Variants in RAB3GAP1 observed in about 807,000 individuals in gnomAD.
The protein encoded by RAB3GAP1 is RAB3 GTPase activating protein catalytic subunit 1, also known as rab3 GTPase-activating protein catalytic subunit.
In RAB3GAP1, 86 loss-of-function variants were observed where a neutral mutation model predicts 130.7. The ratio of observed to expected loss-of-function variants is 0.66; its 90% confidence interval spans 0.55 to 0.79. The LOEUF (loss-of-function observed/expected upper bound fraction) is 0.79, where lower values mean the gene tolerates loss of function less well. Among genes scored for constraint, RAB3GAP1 ranks in the 30% least tolerant of loss-of-function variants. RAB3GAP1 has a pLI of 0.00. For missense variants in RAB3GAP1, 1,029 were observed against 1,169.4 expected (o/e 0.88, Z 1.75); for synonymous variants, 367 against 401.7 (o/e 0.91, Z 1.03).
intron 5 of RAB3GAP1, among the ~76,000 whole-genome samples, chr2:135,097,801 A>G (rs1037077911): frequency 6.6e-6 from 1 of 152,096 alleles, no homozygotes; most frequent in Non-Finnish European, 1.5e-5. Flanking sequence ...GGTTATTAGG[A>G]TTGTTTTTAG....
At chr2:135,088,290 T>C (rs1690043784) in intron 3 of RAB3GAP1, among the ~76,000 whole-genome samples, 2 of 152,182 alleles carry the variant, frequency 1.3e-5, no homozygotes, top group Admixed American at 1.3e-4. Flanking sequence ...CTTATGTACA[T>C]TATCATATTA....
chr2:135,157,234 A>G (rs1692336688), intron 19 of RAB3GAP1, among the ~76,000 whole-genome samples: 1 of 152,114 alleles, frequency 6.6e-6, no homozygotes, highest in African/African-American at 2.4e-5. Context: ...GCTCAGGCTG[A>G]TCTCAAACTC....
chr2:135,060,550 G>A (rs1274145293), intron 3 of RAB3GAP1, among the ~76,000 whole-genome samples: 7 of 151,690 alleles, frequency 4.6e-5, no homozygotes, highest in Non-Finnish European at 7.4e-5. Flanking sequence ...GTGAGCCACC[G>A]CGCCTGGCCA....
At position 135,113,253 on chromosome 2, in the gene RAB3GAP1, C is replaced by CT. The variant is rs753062359; in HGVS notation, c.467dup (p.Leu156PhefsTer34). The CT allele has an allele frequency of 6.2e-7, 1 of 1,614,106 alleles. No homozygotes were observed. Among genetic ancestry groups the CT allele is most frequent in the Non-Finnish European group, 8.5e-7 (1 of 1,180,014 alleles). On this transcript the variant is annotated frameshift_variant, in exon 6 of 24. Coordinates refer to ENST00000264158, the MANE Select transcript of RAB3GAP1 (RefSeq NM_012233.3). LOFTEE classifies it high-confidence loss of function. ...TTCTTCTGAGTTCTGTTTCTATTGC[C>CT]TTGGGAAACACTGGCTGGTGAGTGG...
At chr2:135,150,955 G>C (rs1692156780) in intron 18 of RAB3GAP1, among the ~76,000 whole-genome samples, 1 of 152,136 alleles carries the variant, frequency 6.6e-6, no homozygotes. Flanking sequence ...GATATGTAAG[G>C]AACTGTCATG....
At chr2:135,111,999 G>A (rs1240277044) in intron 5 of RAB3GAP1, among the ~76,000 whole-genome samples, 2 of 152,030 alleles carry the variant, frequency 1.3e-5, no homozygotes, top group African/African-American at 4.8e-5. Flanking sequence ...TTAGAAAATA[G>A]ACTGTAAACC....
intron 3 of RAB3GAP1, among the ~76,000 whole-genome samples, chr2:135,064,760 T>G (rs898129416): frequency 9.9e-5 from 15 of 150,948 alleles, no homozygotes; most frequent in East Asian, 1.9e-4. Flanking sequence ...GTTTTGTTTT[T>G]TTTTTTTTTT....
intron 17 of RAB3GAP1, among the ~76,000 whole-genome samples, chr2:135,149,028 A>G (rs1409475499): frequency 6.6e-6 from 1 of 152,190 alleles, no homozygotes; most frequent in Non-Finnish European, 1.5e-5. Flanking sequence ...AGTATATGTG[A>G]AAATGTATGG....
At chr2:135,106,570 T>C (rs1207770520) in intron 5 of RAB3GAP1, among the ~76,000 whole-genome samples, 2 of 150,632 alleles carry the variant, frequency 1.3e-5, no homozygotes, top group Middle Eastern at 3.4e-3. Context: ...TTCTTAAGAG[T>C]CATCACCACT....
intron 2 of RAB3GAP1, among the ~76,000 whole-genome samples, chr2:135,053,555 T>G (rs1485239031): frequency 1.3e-5 from 2 of 152,172 alleles, no homozygotes. Flanking sequence ...TCTTTCTGGT[T>G]GGGAGAGGAA....
chr2:135,140,686 T>C (rs960953656), intron 17 of RAB3GAP1, among the ~76,000 whole-genome samples: 1 of 152,228 alleles, frequency 6.6e-6, no homozygotes, highest in Non-Finnish European at 1.5e-5. Context: ...GTGGGAGTTA[T>C]CAGTAGGGGC....
intron 13 of RAB3GAP1, among the ~76,000 whole-genome samples, chr2:135,131,018 A>G (rs1691521201): frequency 6.6e-6 from 1 of 152,182 alleles, no homozygotes; most frequent in Non-Finnish European, 1.5e-5. Context: ...TTTGAGCTGA[A>G]TCTTGATGAA....
chr2:135,130,431 A>G (rs1691499136), intron 12 of RAB3GAP1, 121 bp from the exon 13 acceptor site: 5 of 822,374 alleles, frequency 6.1e-6, no homozygotes, highest in Non-Finnish European at 9.6e-6. Flanking sequence ...TATAATTCCA[A>G]GACCATGTAA....
rs549135361 is a variant in RAB3GAP1 at position 135,094,468 on chromosome 2, C to T, written c.362+775C>T. Among the ~76,000 whole-genome samples, 14 of 152,262 alleles carry T rather than the reference C, an allele frequency of 9.2e-5. No individual in the cohort carries two copies. In the East Asian group the frequency reaches 2.1e-3, roughly 23 times the overall value. On this transcript the variant is annotated intron_variant, in intron 5 of 23. Transcript: ENST00000264158. ...TAACTATAGGCACCCTATTTTGCTACTGAATGCTAGATCTTACTTTTTCTA... is the reference window on the plus strand; with the variant it reads ...TAACTATAGGCACCCTATTTTGCTATTGAATGCTAGATCTTACTTTTTCTA...
intron 3 of RAB3GAP1, among the ~76,000 whole-genome samples, chr2:135,073,288 A>C (rs1425063709): frequency 2.0e-5 from 3 of 152,198 alleles, no homozygotes; most frequent in South Asian, 4.2e-4. Context: ...TTGCTCAGGG[A>C]AGGAGATTAG....
intron 3 of RAB3GAP1, among the ~76,000 whole-genome samples, chr2:135,087,115 AT>A (rs1248019014): frequency 6.6e-6 from 1 of 152,210 alleles, no homozygotes; most frequent in African/African-American, 2.4e-5. Context: ...ATCCCAAGAT[AT>A]TCTCATGTTT....
intron 4 of RAB3GAP1, 91 bp from the exon 5 acceptor site, chr2:135,093,524 T>A: frequency 1.1e-6 from 1 of 937,760 alleles, no homozygotes. Flanking sequence ...AACTGCATGA[T>A]CTAGCAAGAC....
At chr2:135,144,718 T>C (rs1691947394) in intron 17 of RAB3GAP1, among the ~76,000 whole-genome samples, 1 of 152,274 alleles carries the variant, frequency 6.6e-6, no homozygotes, top group Non-Finnish European at 1.5e-5. Context: ...TGACAACTTT[T>C]GTTTATTCCA....
intron 5 of RAB3GAP1, among the ~76,000 whole-genome samples, chr2:135,099,057 T>C (rs1690379242): frequency 6.6e-6 from 1 of 152,210 alleles, no homozygotes; most frequent in African/African-American, 2.4e-5. Context: ...GTTCATTTTT[T>C]TTTTCTGTTT....
Sources: allele counts gnomAD v4.1 joint callset (sites outside exome capture counted in the v4.1 genomes callset), GRCh38; gene constraint gnomAD v4.1.1; transcripts MANE v1.5; gene names NCBI Gene and HGNC (gene_info 2026-07-23, HGNC 2026-07-21).